Variants in LIMK1 observed in about 807,000 individuals in gnomAD.
The protein encoded by LIMK1 is LIM domain kinase 1.
LIMK1 carries 21 observed loss-of-function variants against 77.6 expected under a neutral mutation model. The observed-to-expected ratio is 0.27, with a 90% CI of 0.19 to 0.39. LIMK1 has a LOEUF of 0.39. LIMK1 is among the 10% of genes least tolerant of loss of function. The pLI is 1.00. For missense variants in LIMK1, 696 were observed against 901.6 expected, an observed-to-expected ratio of 0.77 and a Z score of 2.92; for synonymous variants, 358 against 370.0, an observed-to-expected ratio of 0.97 and a Z score of 0.37.
At chr7:74,116,086 G>A (rs927265564) in intron 13 of LIMK1, 128 bp downstream of exon 13, 2 of 972,438 alleles carry the variant, frequency 2.1e-6, no homozygotes, top group Non-Finnish European at 3.0e-6. Context: ...TGTGGGTCCT[G>A]TTGCTCCTAT....
In LIMK1 at chr7:74,120,989, A is replaced by G. The variant is rs1799925110; in HGVS notation, c.1721A>G (p.Asn574Ser). 2.2e-6 allele frequency: 3 copies of G among 1,360,164 alleles called. No homozygotes were observed. The highest frequency in any genetic ancestry group is 4.2e-5 in the East Asian group (1 of 23,682). The allele number at this position is 1,360,164 out of a possible 1,614,324, so 84.3% of individuals were successfully genotyped here. The change falls in exon 15 of 16, where the codon AAC becomes AGC. Residue 574 changes from asparagine (N) to serine (S), a missense_variant. Transcript: ENST00000336180. ...RGFLDRYCPP[N>S]CPPSFFPITV... ...TTCCTGGACCGCTACTGCCCCCCAA[A>G]CTGCCCCCCGAGCTTCTTCCCCATC...
At chr7:74,109,771 A>AG (rs1392764154) in intron 10 of LIMK1, 1 of 152,478 alleles carries the variant, frequency 6.6e-6, no homozygotes, top group Non-Finnish European at 1.5e-5. Context: ...CGTTGAACCC[A>AG]GGGGGCAGAG....
At chr7:74,106,650 C>T (rs1243839312) in intron 7 of LIMK1, among the ~76,000 whole-genome samples, 1 of 152,156 alleles carries the variant, frequency 6.6e-6, no homozygotes, top group Admixed American at 6.6e-5. Flanking sequence ...GTCCCAGCTA[C>T]TCAGGAGGCT....
chr7:74,085,991 TGAG>T, intron 2 of LIMK1, 147 bp downstream of exon 2: 2 of 612,472 alleles, frequency 3.3e-6, no homozygotes, highest in Non-Finnish European at 5.8e-6. Flanking sequence ...ATTTATGACA[TGAG>T]GTGTTTTGAC....
rs1248144384 is a variant in LIMK1 at position 74,121,587 on chromosome 7, T to C, written c.*286T>C. On this transcript the variant is annotated 3_prime_UTR_variant, in exon 16 of 16. Transcript: ENST00000336180. ...TTCTCCTTGCATGAGCTGGAGGGCC[T>C]GTGTGAGTTACGCCCCTTTCCACAC... The C allele has an allele frequency of 2.3e-6, 1 of 431,270 alleles. No homozygotes were observed. The highest frequency in any genetic ancestry group is 4.1e-6 in the Non-Finnish European group (1 of 242,560). The allele number at this position is 431,270 out of a possible 1,614,324, so 26.7% of individuals were successfully genotyped here.
In LIMK1 at chr7:74,121,422, C is replaced by A; in HGVS notation, c.*121C>A. On this transcript the variant is annotated 3_prime_UTR_variant, in exon 16 of 16. Transcript: ENST00000336180. ...ACCCAGGCTTCTCCTCAGAGCCAGG[C>A]CCTGACTTGCCTTCTCCCACCCCGT... is the stretch of plus-strand genomic sequence containing the variant. 9.6e-7 allele frequency: 1 copy of A among 1,044,996 alleles called. No homozygotes were observed. Among genetic ancestry groups the A allele is most frequent in the Non-Finnish European group, 1.3e-6 (1 of 744,038 alleles). The allele number at this position is 1,044,996 out of a possible 1,614,324, so 64.7% of individuals were successfully genotyped here. A position where few individuals can be genotyped will look rare whatever the true frequency, so the allele number is the denominator to read the frequency against.
In LIMK1 at chr7:74,107,106, A is replaced by G. The variant is rs1554697761; in HGVS notation, c.978A>G (p.Val326=). ...TGGGTCGCTCTGAGTCCCTCCGCGT[A>G]GTCTGCCGGCCACACCGCATCTTCC... ...KDLGRSESLR[V]VCRPHRIFRP... is the part of the protein sequence containing the mutation. The change falls in exon 8 of 16, where the codon GTA becomes GTG. Residue 326 remains valine, a synonymous_variant. Transcript: ENST00000336180. 1 of 1,612,716 alleles carries G rather than the reference A, an allele frequency of 6.2e-7. No individual in the cohort carries two copies. Among genetic ancestry groups the G allele is most frequent in the Admixed American group, 1.7e-5 (1 of 59,934 alleles).
intron 2 of LIMK1, among the ~76,000 whole-genome samples, chr7:74,091,954 CTTTTTTTTT>C (rs35254348): frequency 3.7e-5 from 3 of 80,622 alleles, no homozygotes; most frequent in Non-Finnish European, 4.5e-5. Context: ...GGCTGTACAG[CTTTTTTTTT>C]TTTTTTTTTT....
intron 2 of LIMK1, among the ~76,000 whole-genome samples, chr7:74,094,613 G>A (rs1554695286): frequency 6.6e-6 from 1 of 152,304 alleles, no homozygotes; most frequent in South Asian, 2.1e-4. Flanking sequence ...TTCTGCGAGG[G>A]CAGGACCCAA....
intron 10 of LIMK1, 55 bp from the exon 11 acceptor site, chr7:74,111,593 C>T (rs1799699888): frequency 6.9e-7 from 1 of 1,440,780 alleles, no homozygotes; most frequent in Non-Finnish European, 9.6e-7. Flanking sequence ...ATGCAACCAT[C>T]CCTGCCATCG....
intron 2 of LIMK1, among the ~76,000 whole-genome samples, chr7:74,091,449 C>T (rs1159683013): frequency 6.6e-6 from 1 of 152,108 alleles, no homozygotes; most frequent in Non-Finnish European, 1.5e-5. Flanking sequence ...CCCAGGATGT[C>T]GAAGCTGCAG....
At chr7:74,120,870 T>A in intron 14 of LIMK1, 22 bp from the exon 15 acceptor site, 1 of 1,613,906 alleles carries the variant, frequency 6.2e-7, no homozygotes. Context: ...CTGGAGTAAC[T>A]GCCGGGCCTT....
In LIMK1 at chr7:74,102,867, CTTTTT is replaced by C. The variant is rs200075270; in HGVS notation, c.609-2994_609-2990del. 5.2e-5 allele frequency among the ~76,000 whole-genome samples: 7 copies of C among 135,420 alleles called. No individual in the cohort carries two copies. The South Asian group carries it at 1.4e-3, about 28-fold the overall frequency. 88.8% of individuals were successfully genotyped at this position (135,420 alleles called of 152,430 possible). On this transcript the variant is annotated intron_variant, in intron 5 of 15. Coordinates refer to ENST00000336180, the MANE Select transcript of LIMK1 (RefSeq NM_002314.4). Reference sequence around the variant, plus strand: ...TTTAATCGTCATGTGTCATCAGTATCTTTTTTTTTTTTTTTTTTGAGACGGAATTT... The same window carrying C: ...TTTAATCGTCATGTGTCATCAGTATCTTTTTTTTTTTTTGAGACGGAATTT...
At chr7:74,093,743 C>T (rs1368522450) in intron 2 of LIMK1, among the ~76,000 whole-genome samples, 1 of 152,172 alleles carries the variant, frequency 6.6e-6, no homozygotes, top group South Asian at 2.1e-4. Flanking sequence ...GGCTCTCCCC[C>T]GAGGGAGTTC....
chr7:74,120,579 C>G lies in LIMK1; in HGVS notation c.1568-4C>G, dbSNP rs200831219. The stretch of plus-strand genomic sequence containing the variant: ...ATCTGCTGACAGTCGGTCTCTTTAT[C>G]CAGGCCGCAGCTATGATGAGAAGGT... On this transcript the variant is annotated splice_region_variant and splice_polypyrimidine_tract_variant and intron_variant, in intron 13 of 15. Coordinates refer to ENST00000336180, the MANE Select transcript of LIMK1 (RefSeq NM_002314.4). 43 of 1,614,212 alleles carry G rather than the reference C, an allele frequency of 2.7e-5. No individual in the cohort carries two copies. The highest frequency in any genetic ancestry group is 3.4e-5 in the Non-Finnish European group (40 of 1,180,012).
chr7:74,094,594 C>T lies in LIMK1; in HGVS notation c.153-2028C>T, dbSNP rs186008280. The stretch of plus-strand genomic sequence containing the variant: ...AAGCGAGTCATTGGTCTGCACCAGG[C>T]GTGGGGGCTTCTGCGAGGGCAGGAC... On this transcript the variant is annotated intron_variant, in intron 2 of 15. Coordinates refer to ENST00000336180, the MANE Select transcript of LIMK1 (RefSeq NM_002314.4). Among the ~76,000 whole-genome samples the T allele has an allele frequency of 4.5e-4, 69 of 152,322 alleles. 1 individual carries two copies. The East Asian group carries it at 0.01, about 23-fold the overall frequency.
intron 1 of LIMK1, among the ~76,000 whole-genome samples, chr7:74,085,228 C>A (rs1157403604): frequency 6.6e-6 from 1 of 152,220 alleles, no homozygotes; most frequent in Non-Finnish European, 1.5e-5. Context: ...CAAGCCAGGG[C>A]ATTCATTGCC....
intron 12 of LIMK1, among the ~76,000 whole-genome samples, chr7:74,113,114 A>G (rs1554698891): frequency 6.6e-6 from 1 of 152,100 alleles, no homozygotes; most frequent in Admixed American, 6.6e-5. Context: ...TGAGCTCAGG[A>G]GTTTGAGACC....
In LIMK1 at chr7:74,121,238, T is replaced by G. The variant is rs1490702613; in HGVS notation, c.1881T>G (p.Gly627=). ...CACAGCTGGAGCAGCTGGACAGAGG[T>G]TTCTGGGAGACCTACCGGCGCGGCG... ...LGPQLEQLDR[G]FWETYRRGES... Residue 627 remains glycine (G), a synonymous_variant, in exon 16 of 16, where the codon GGT becomes GGG. Transcript: ENST00000336180. 8 of 1,613,274 alleles carry G rather than the reference T, an allele frequency of 5.0e-6. No individual in the cohort carries two copies. The highest frequency in any genetic ancestry group is 1.3e-5 in the African/African-American group (1 of 74,808).
Sources: allele counts gnomAD v4.1 joint callset (sites outside exome capture counted in the v4.1 genomes callset), GRCh38; gene constraint gnomAD v4.1.1; transcripts MANE v1.5; gene names NCBI Gene and HGNC (gene_info 2026-07-23, HGNC 2026-07-21).